PPM1H: variants seen among roughly 807,000 people sequenced by gnomAD.
PPM1H encodes the protein protein phosphatase 1H.
PPM1H carries 27 observed loss-of-function variants against 54.9 expected under a neutral mutation model. The observed-to-expected ratio is 0.49, with a 90% CI of 0.36 to 0.68. The LOEUF is 0.68. PPM1H is among the 30% of genes least tolerant of loss of function. The probability of loss-of-function intolerance (pLI) is 0.00; values close to 1 mark genes in which losing one functional copy is unlikely to be tolerated. For synonymous variants in PPM1H, 305 were observed against 270.8 expected (o/e 1.13, Z -1.24); for missense variants, 596 against 667.8 (o/e 0.89, Z 1.19).
At chr12:62,701,561 T>C (rs185470391) in intron 6 of PPM1H, among the ~76,000 whole-genome samples, 10 of 152,370 alleles carry the variant, frequency 6.6e-5, no homozygotes, top group Admixed American at 5.9e-4. Context: ...AGTTCTCCAC[T>C]GAATTCCCGT....
At chr12:62,881,146 A>T (rs1249529465) in intron 1 of PPM1H, among the ~76,000 whole-genome samples, 1 of 152,182 alleles carries the variant, frequency 6.6e-6, no homozygotes, top group Non-Finnish European at 1.5e-5. Context: ...AGGCTAAACA[A>T]TATCCCCATA....
At chr12:62,757,153 A>C (rs919006769) in intron 4 of PPM1H, among the ~76,000 whole-genome samples, 1 of 152,172 alleles carries the variant, frequency 6.6e-6, no homozygotes, top group Non-Finnish European at 1.5e-5. Context: ...TTTTATCCCC[A>C]TACTCCCTCA....
chr12:62,683,077 T>G (rs2076031693), intron 8 of PPM1H, among the ~76,000 whole-genome samples: 1 of 136,816 alleles, frequency 7.3e-6, no homozygotes. Context: ...TTATTATTAT[T>G]ATTATTATTT....
chr12:62,815,713 G>C (rs1316872805), intron 2 of PPM1H, among the ~76,000 whole-genome samples: 1 of 141,468 alleles, frequency 7.1e-6, no homozygotes, highest in Non-Finnish European at 1.5e-5. Flanking sequence ...CTATGAAATA[G>C]TACCTGTTAT....
chr12:62,650,964 AAC>A (rs2136593424), intron 9 of PPM1H, among the ~76,000 whole-genome samples: 1 of 152,294 alleles, frequency 6.6e-6, no homozygotes, highest in East Asian at 1.9e-4. Context: ...ATGAGACATA[AAC>A]ACATGGGGAA....
At chr12:62,748,013 CT>C (rs2076422122) in intron 4 of PPM1H, among the ~76,000 whole-genome samples, 2 of 152,192 alleles carry the variant, frequency 1.3e-5, no homozygotes, top group African/African-American at 4.8e-5. Flanking sequence ...CCAAAATCCC[CT>C]AGCTGCTGGA....
chr12:62,713,647 A>C (rs78180876), intron 6 of PPM1H, among the ~76,000 whole-genome samples: 2,395 of 152,218 alleles, frequency 0.016, 74 homozygotes, highest in East Asian at 0.099. Flanking sequence ...CCCTGTCCAC[A>C]GTTATCAGTA....
intron 1 of PPM1H, among the ~76,000 whole-genome samples, chr12:62,834,761 C>T (rs144100813): frequency 2.4e-4 from 37 of 152,258 alleles, no homozygotes; most frequent in African/African-American, 6.7e-4. Flanking sequence ...TCGTCTGGAA[C>T]GTGCCTTTTA....
Position 62,645,785 on chromosome 12 carries a change from C to T in PPM1H, c.*2704G>A, listed in dbSNP as rs997482478. 1 of 152,172 alleles carries T rather than the reference C, an allele frequency of 6.6e-6. No individual in the cohort carries two copies. The highest frequency in any genetic ancestry group is 1.5e-5 in the Non-Finnish European group (1 of 68,042). The allele number at this position is 152,172 out of a possible 1,614,324, so 9.4% of individuals were successfully genotyped here. The stretch of plus-strand genomic sequence containing the variant: ...AAACAAGACTTCCTCTGAGGCTATT[C>T]GAGCAAGCAGATTTGGCTATAAGTC... On this transcript the variant is annotated 3_prime_UTR_variant, in exon 10 of 10. Coordinates refer to ENST00000228705, the MANE Select transcript of PPM1H (RefSeq NM_020700.2).
intron 1 of PPM1H, among the ~76,000 whole-genome samples, chr12:62,932,628 C>CTTTTTTTTTGTTTTTTTTTTTTTTTTTTT (rs1872178042): frequency 1.9e-5 from 1 of 54,012 alleles, no homozygotes; most frequent in Non-Finnish European, 3.2e-5. Flanking sequence ...TCCAAATGGG[C>CTTTTTTTTTGTTTTTTTTTTTTTTTTTTT]TTTTTTTTTT....
At chr12:62,863,477 A>G (rs530175974) in intron 1 of PPM1H, among the ~76,000 whole-genome samples, 1 of 152,358 alleles carries the variant, frequency 6.6e-6, no homozygotes, top group East Asian at 1.9e-4. Flanking sequence ...TTGATCACCT[A>G]TATTCCATTT....
intron 1 of PPM1H, among the ~76,000 whole-genome samples, chr12:62,879,114 A>T (rs1237025308): frequency 1.3e-5 from 2 of 151,972 alleles, no homozygotes; most frequent in Non-Finnish European, 2.9e-5. Context: ...CTAACGTCTT[A>T]CCCTCTAGGT....
chr12:62,699,100 G>T lies in PPM1H; in HGVS notation c.1074-5101C>A, dbSNP rs114449509. 3.3e-3 allele frequency among the ~76,000 whole-genome samples: 496 copies of T among 152,274 alleles called. 3 individuals are homozygous for T. The highest frequency in any genetic ancestry group is 7.5e-3 in the South Asian group (36 of 4,816). ...ACACAAGGGGGGTGGCAACATTTCA[G>T]GCATGTGAAGGAAAGCAATTCAAAA... On this transcript the variant is annotated intron_variant, in intron 6 of 9. Coordinates refer to ENST00000228705, the MANE Select transcript of PPM1H (RefSeq NM_020700.2).
Position 62,667,267 on chromosome 12 carries a change from A to G in PPM1H, c.1308T>C (p.Thr436=), listed in dbSNP as rs1405540730. 3 of 1,605,036 alleles carry G rather than the reference A, an allele frequency of 1.9e-6. No homozygotes were observed. The East Asian group carries it at 6.7e-5, about 36-fold the overall frequency. Residue 436 remains threonine, a synonymous_variant, in exon 9 of 10, where the codon ACT becomes ACC. Coordinates refer to ENST00000228705, the MANE Select transcript of PPM1H (RefSeq NM_020700.2). ...TTGATAAAACGTCCCAGAGTCCATC[A>G]GTGGCCAAGATCAGCACATCATCTG... ...HGSDDVLILA[T]DGLWDVLSNE...
At chr12:62,751,531 G>A (rs1446747055) in intron 4 of PPM1H, among the ~76,000 whole-genome samples, 1 of 152,158 alleles carries the variant, frequency 6.6e-6, no homozygotes, top group Non-Finnish European at 1.5e-5. Context: ...AAAATTCTAT[G>A]GTTGGAAAAG....
intron 1 of PPM1H, among the ~76,000 whole-genome samples, chr12:62,919,604 T>C (rs1178301419): frequency 6.6e-6 from 1 of 152,168 alleles, no homozygotes; most frequent in African/African-American, 2.4e-5. Flanking sequence ...ATAGAAGTAA[T>C]TTAATGCTTA....
chr12:62,721,735 T>C (rs1204986699), intron 5 of PPM1H, among the ~76,000 whole-genome samples: 1 of 152,212 alleles, frequency 6.6e-6, no homozygotes, highest in African/African-American at 2.4e-5. Flanking sequence ...GCAGGTTATT[T>C]AATTTCTTGG....
At chr12:62,707,696 T>C (rs530484058) in intron 6 of PPM1H, among the ~76,000 whole-genome samples, 2 of 152,242 alleles carry the variant, frequency 1.3e-5, no homozygotes, top group Non-Finnish European at 2.9e-5. Flanking sequence ...TCTATTAGTT[T>C]TGTATGAAAC....
intron 4 of PPM1H, among the ~76,000 whole-genome samples, chr12:62,772,789 T>G (rs982088956): frequency 5.9e-5 from 9 of 152,080 alleles, no homozygotes; most frequent in African/African-American, 2.2e-4. Flanking sequence ...CCAGTCAGGT[T>G]GGTTGGCTCT....
Sources: gnomAD v4.1 joint callset for allele counts (sites outside exome capture counted in the v4.1 genomes callset) on GRCh38, gnomAD v4.1.1 for gene constraint, MANE v1.5 for transcripts, NCBI Gene and HGNC (gene_info 2026-07-23, HGNC 2026-07-21) for gene names.